Variants in CNTN4 observed in about 807,000 individuals in gnomAD.
The protein encoded by CNTN4 is contactin 4, also known as contactin-4.
A neutral mutation model predicts 122.5 loss-of-function variants in CNTN4; 77 were observed. That is an observed-to-expected ratio of 0.63 (90% CI 0.52 to 0.76). CNTN4 has a LOEUF of 0.76. Among genes scored for constraint, CNTN4 ranks in the 30% least tolerant of loss-of-function variants. The pLI is 0.00. For missense variants in CNTN4, 1,256 were observed against 1,259.1 expected (o/e 1.00, Z 0.04); for synonymous variants, 512 against 447.0 (o/e 1.15, Z -1.83).
At chr3:2,954,168 C>A (rs1285701902) in intron 13 of CNTN4, among the ~76,000 whole-genome samples, 8 of 152,138 alleles carry the variant, frequency 5.3e-5, no homozygotes, top group Non-Finnish European at 1.0e-4. Context: ...ATTCAGAAAC[C>A]TTATCTTGAT....
intron 13 of CNTN4, among the ~76,000 whole-genome samples, chr3:2,960,051 T>C (rs913824432): frequency 1.3e-5 from 2 of 151,194 alleles, no homozygotes; most frequent in African/African-American, 4.8e-5. Context: ...TATTCCAAAA[T>C]GAAATGAAGA....
chr3:3,037,046 A>C, intron 17 of CNTN4, 133 bp from the exon 18 acceptor site: 2 of 1,029,594 alleles, frequency 1.9e-6, no homozygotes, highest in Non-Finnish European at 3.1e-6. Context: ...GATGCAGCTA[A>C]TATCAGAACA....
At position 2,705,138 on chromosome 3, in the gene CNTN4, G is replaced by A. The variant is rs565894242; in HGVS notation, c.56-31077G>A. Among the ~76,000 whole-genome samples the A allele has an allele frequency of 9.8e-4, 149 of 151,584 alleles. 2 individuals carry two copies. Among genetic ancestry groups the A allele is most frequent in the Middle Eastern group, 3.4e-3 (1 of 294 alleles). On this transcript the variant is annotated intron_variant, in intron 4 of 24. Coordinates refer to ENST00000418658, the MANE Select transcript of CNTN4 (RefSeq NM_175607.3). ...TCTCAGCTGGCTTTGGGAGGCCGAGGCAGGCGGATCACGAGGTCAGGAGAT... is the reference window on the plus strand; with the variant it reads ...TCTCAGCTGGCTTTGGGAGGCCGAGACAGGCGGATCACGAGGTCAGGAGAT...
At chr3:2,299,948 G>T (rs1294761053) in intron 2 of CNTN4, among the ~76,000 whole-genome samples, 1 of 152,076 alleles carries the variant, frequency 6.6e-6, no homozygotes, top group African/African-American at 2.4e-5. Flanking sequence ...ACATCAAATT[G>T]TTTGTCAGGG....
chr3:2,971,098 C>T (rs539965835), intron 13 of CNTN4, among the ~76,000 whole-genome samples: 362 of 152,214 alleles, frequency 2.4e-3, no homozygotes, highest in Non-Finnish European at 4.3e-3. Context: ...ACGCTGTATT[C>T]TTACAATAAA....
chr3:2,285,468 G>A lies in CNTN4; in HGVS notation c.-144-53710G>A, dbSNP rs183756105. ...CATTGGAGCATTGGGATACCTCACA[G>A]TTTGATTTTTTCTTCTTCCTCTCCC... On this transcript the variant is annotated intron_variant, in intron 2 of 24. Coordinates refer to ENST00000418658, the MANE Select transcript of CNTN4 (RefSeq NM_175607.3). Among the ~76,000 whole-genome samples, 126 of 152,186 alleles carry A rather than the reference G, an allele frequency of 8.3e-4. 1 individual carries two copies. The highest frequency in any genetic ancestry group is 3.0e-3 in the African/African-American group (123 of 41,566).
At chr3:2,242,070 CTT>C (rs2039963206) in intron 2 of CNTN4, among the ~76,000 whole-genome samples, 1 of 152,070 alleles carries the variant, frequency 6.6e-6, no homozygotes, top group Non-Finnish European at 1.5e-5. Context: ...CCATCAAAAA[CTT>C]ATATTAGTAC....
At chr3:2,498,409 C>T (rs570037032) in intron 3 of CNTN4, among the ~76,000 whole-genome samples, 6 of 152,208 alleles carry the variant, frequency 3.9e-5, no homozygotes, top group African/African-American at 1.4e-4. Context: ...GCAGTTTCTC[C>T]ACATCTTCCC....
At chr3:2,367,932 T>C (rs2045464569) in intron 3 of CNTN4, among the ~76,000 whole-genome samples, 3 of 152,166 alleles carry the variant, frequency 2.0e-5, no homozygotes, top group Non-Finnish European at 4.4e-5. Flanking sequence ...TATTTTTCTC[T>C]TGAGCTTACC....
chr3:2,655,857 C>T (rs1014680352), intron 4 of CNTN4, among the ~76,000 whole-genome samples: 4 of 152,082 alleles, frequency 2.6e-5, no homozygotes, highest in African/African-American at 9.7e-5. Context: ...TCAGGATAAT[C>T]CCACTGGGTT....
At chr3:2,424,615 G>T (rs2047746868) in intron 3 of CNTN4, among the ~76,000 whole-genome samples, 1 of 152,182 alleles carries the variant, frequency 6.6e-6, no homozygotes, top group Admixed American at 6.5e-5. Flanking sequence ...GGTATTTCTA[G>T]TTCTAGATCC....
At chr3:2,635,937 C>G (rs2082640311) in intron 4 of CNTN4, among the ~76,000 whole-genome samples, 1 of 152,154 alleles carries the variant, frequency 6.6e-6, no homozygotes, top group South Asian at 2.1e-4. Flanking sequence ...CCTAACCGAG[C>G]ACCTGCTTCC....
chr3:2,294,452 G>A (rs1410797425), intron 2 of CNTN4, among the ~76,000 whole-genome samples: 3 of 152,102 alleles, frequency 2.0e-5, no homozygotes, highest in African/African-American at 4.8e-5. Context: ...ACAACATGGC[G>A]AAACCCAGTC....
intron 6 of CNTN4, among the ~76,000 whole-genome samples, chr3:2,785,091 A>T (rs966634172): frequency 6.6e-6 from 1 of 151,470 alleles, no homozygotes; most frequent in Non-Finnish European, 1.5e-5. Context: ...CTATTTGTAT[A>T]TAAGTACACA....
intron 3 of CNTN4, among the ~76,000 whole-genome samples, chr3:2,433,405 A>G (rs1056716830): frequency 6.6e-6 from 1 of 152,206 alleles, no homozygotes; most frequent in Non-Finnish European, 1.5e-5. Flanking sequence ...GCATGTTTGC[A>G]TAAACCTATT....
At chr3:2,973,845 T>G (rs999204560) in intron 13 of CNTN4, among the ~76,000 whole-genome samples, 2 of 152,184 alleles carry the variant, frequency 1.3e-5, no homozygotes, top group African/African-American at 4.8e-5. Flanking sequence ...TTGGCCATTA[T>G]GCGATTTGCC....
chr3:2,141,787 G>A (rs772954436), intron 2 of CNTN4, among the ~76,000 whole-genome samples: 12 of 151,978 alleles, frequency 7.9e-5, no homozygotes, highest in Non-Finnish European at 1.5e-4. Flanking sequence ...TGGTGTTCAG[G>A]CAGATGAATT....
rs935873686 is a variant in CNTN4, at chr3:2,709,155, C to G, written c.56-27060C>G. On this transcript the variant is annotated intron_variant, in intron 4 of 24. Transcript: ENST00000418658. The surrounding 1 kb of genome is among the most constrained non-coding windows in gnomAD (Gnocchi z 5.0). The stretch of plus-strand genomic sequence containing the variant: ...TGAAGCCTTACCATTTGATGAAAAT[C>G]CAGCAAAAATGCATATTGCATTTAC... Among the ~76,000 whole-genome samples, 2 of 151,984 alleles carry G rather than the reference C, an allele frequency of 1.3e-5. No individual in the cohort carries two copies. The highest frequency in any genetic ancestry group is 2.4e-5 in the African/African-American group (1 of 41,386).
At chr3:2,649,221 AC>A (rs2150177766) in intron 4 of CNTN4, among the ~76,000 whole-genome samples, 1 of 152,354 alleles carries the variant, frequency 6.6e-6, no homozygotes, top group South Asian at 2.1e-4. Context: ...AAAGGTGGCT[AC>A]CCTAAAAAAC....
Sources: allele counts gnomAD v4.1 joint callset (sites outside exome capture counted in the v4.1 genomes callset), GRCh38; gene constraint gnomAD v4.1.1; non-coding constraint Gnocchi (gnomAD v3.1); transcripts MANE v1.5; gene names NCBI Gene and HGNC (gene_info 2026-07-23, HGNC 2026-07-21).